SLC35F3: variants seen among roughly 807,000 people sequenced by gnomAD.
SLC35F3 encodes solute carrier family 35 member F3.
In SLC35F3, 25 loss-of-function variants were observed where a neutral mutation model predicts 49.9. The observed-to-expected ratio is 0.50, with a 90% CI of 0.37 to 0.70. The LOEUF (loss-of-function observed/expected upper bound fraction) is 0.70. SLC35F3 is among the 30% of genes least tolerant of loss of function. The pLI, the probability that SLC35F3 is intolerant of heterozygous loss-of-function variation, is 0.00. For missense variants in SLC35F3, 525 were observed against 639.8 expected (o/e 0.82, Z 1.94); for synonymous variants, 275 against 265.4 (o/e 1.04, Z -0.35).
At chr1:234,044,846 T>A (rs1448826938) in intron 2 of SLC35F3, among the ~76,000 whole-genome samples, 3 of 152,162 alleles carry the variant, frequency 2.0e-5, no homozygotes, top group African/African-American at 7.2e-5. Context: ...GTAGTTATCA[T>A]ATGTTTTTCT....
intron 3 of SLC35F3, among the ~76,000 whole-genome samples, chr1:234,234,371 C>T (rs1028831173): frequency 2.0e-5 from 3 of 152,102 alleles, no homozygotes; most frequent in African/African-American, 7.2e-5. Flanking sequence ...AGGGTGAAGC[C>T]GGAGCCGAGA....
chr1:234,297,452 G>A (rs1668621293), intron 3 of SLC35F3, among the ~76,000 whole-genome samples: 1 of 152,192 alleles, frequency 6.6e-6, no homozygotes, highest in Admixed American at 6.5e-5. Flanking sequence ...ATACTATTCA[G>A]CCTTACAAAA....
chr1:234,138,225 A>C (rs752789380), intron 2 of SLC35F3, among the ~76,000 whole-genome samples: 1 of 152,234 alleles, frequency 6.6e-6, no homozygotes, highest in African/African-American at 2.4e-5. Flanking sequence ...TCAATTTTGT[A>C]TGGCTGTATC....
chr1:234,175,547 C>T (rs181685076), intron 2 of SLC35F3, among the ~76,000 whole-genome samples: 2 of 151,558 alleles, frequency 1.3e-5, no homozygotes, highest in Admixed American at 1.3e-4. Flanking sequence ...CCTTTAGTCC[C>T]AGCTATGTGG....
chr1:234,127,645 C>T (rs531652575), intron 2 of SLC35F3, among the ~76,000 whole-genome samples: 1 of 152,090 alleles, frequency 6.6e-6, no homozygotes, highest in African/African-American at 2.4e-5. Flanking sequence ...GATTTAAAAG[C>T]CTCCTTTGGG....
chr1:233,990,507 G>A (rs1327996568), intron 2 of SLC35F3, among the ~76,000 whole-genome samples: 1 of 152,208 alleles, frequency 6.6e-6, no homozygotes, highest in Non-Finnish European at 1.5e-5. Flanking sequence ...CTCACTTTGA[G>A]TTGTAAAATC....
intron 3 of SLC35F3, among the ~76,000 whole-genome samples, chr1:234,245,615 TC>T (rs1028180865): frequency 1.4e-5 from 2 of 142,346 alleles, no homozygotes; most frequent in African/African-American, 4.9e-5. Context: ...GGATGGCTTT[TC>T]CCCTGCTCCA....
At chr1:234,013,836 T>C (rs1663762373) in intron 2 of SLC35F3, among the ~76,000 whole-genome samples, 1 of 146,050 alleles carries the variant, frequency 6.8e-6, no homozygotes, top group Non-Finnish European at 1.5e-5. Context: ...GAGTTAGTAA[T>C]AAAAACTTTC....
At chr1:234,322,661 G>GTA (rs139743140) in intron 7 of SLC35F3, among the ~76,000 whole-genome samples, 13,982 of 143,508 alleles carry the variant, frequency 0.097, 728 homozygotes, top group African/African-American at 0.15. Flanking sequence ...GTGTGTGTGT[G>GTA]TGTGTGTGTG....
chr1:234,080,165 C>A (rs555954677), intron 2 of SLC35F3, among the ~76,000 whole-genome samples: 1 of 152,248 alleles, frequency 6.6e-6, no homozygotes, highest in African/African-American at 2.4e-5. Flanking sequence ...GATTTAATCA[C>A]CCCTGCCTAT....
At chr1:234,153,389 G>C (rs1455596467) in intron 2 of SLC35F3, among the ~76,000 whole-genome samples, 1 of 152,098 alleles carries the variant, frequency 6.6e-6, no homozygotes, top group South Asian at 2.1e-4. Flanking sequence ...TGGGAGGACT[G>C]TTTGAGGCCA....
intron 3 of SLC35F3, among the ~76,000 whole-genome samples, chr1:234,263,456 T>C (rs961584229): frequency 6.6e-6 from 1 of 152,246 alleles, no homozygotes; most frequent in Admixed American, 6.5e-5. Flanking sequence ...CTTGCGTCTA[T>C]ATTTATGGGC....
At chr1:234,273,080 T>C (rs1173533689) in intron 3 of SLC35F3, among the ~76,000 whole-genome samples, 1 of 152,260 alleles carries the variant, frequency 6.6e-6, no homozygotes, top group African/African-American at 2.4e-5. Flanking sequence ...GAATCATGTG[T>C]GCATTATGTC....
chr1:234,062,931 C>T (rs1478188882), intron 2 of SLC35F3, among the ~76,000 whole-genome samples: 6 of 151,430 alleles, frequency 4.0e-5, no homozygotes, highest in African/African-American at 7.3e-5. Context: ...CCTTGTGATC[C>T]GCCCGCCTCG....
chr1:234,068,925 T>TA (rs1664665047), intron 2 of SLC35F3, among the ~76,000 whole-genome samples: 7 of 126,396 alleles, frequency 5.5e-5, no homozygotes, highest in Admixed American at 4.6e-4. Flanking sequence ...ATGTAATATA[T>TA]TATATATAAA....
chr1:234,280,998 G>C (rs751749195), intron 3 of SLC35F3, among the ~76,000 whole-genome samples: 4 of 152,172 alleles, frequency 2.6e-5, no homozygotes, highest in Non-Finnish European at 5.9e-5. Flanking sequence ...CATGCTGCAT[G>C]CCTTCCTAAA....
intron 2 of SLC35F3, among the ~76,000 whole-genome samples, chr1:234,220,058 G>A (rs996808289): frequency 1.3e-5 from 2 of 152,184 alleles, no homozygotes; most frequent in Non-Finnish European, 1.5e-5. Context: ...CATCCTGAAC[G>A]CTGGACTCGG....
In SLC35F3 at chr1:234,041,855, G is replaced by A. The variant is rs1012476093; in HGVS notation, c.283+136097G>A. On this transcript the variant is annotated intron_variant, in intron 2 of 7. Transcript: ENST00000366618. ...ATATTGACCAGATCCTTAGATGGGT[G>A]GATGATGGGTGGGCAGTTCAAATCA... 3.3e-5 allele frequency among the ~76,000 whole-genome samples: 5 copies of A among 152,180 alleles called. No homozygotes were observed. In the East Asian group the frequency reaches 9.6e-4, roughly 29 times the overall value.
At chr1:234,111,418 A>G (rs1403041292) in intron 2 of SLC35F3, among the ~76,000 whole-genome samples, 1 of 152,100 alleles carries the variant, frequency 6.6e-6, no homozygotes, top group East Asian at 1.9e-4. Flanking sequence ...CAGCCTCCTG[A>G]GTAGCTGGGA....
Sources: allele counts gnomAD v4.1 joint callset (sites outside exome capture counted in the v4.1 genomes callset), GRCh38; gene constraint gnomAD v4.1.1; transcripts MANE v1.5; gene names NCBI Gene and HGNC (gene_info 2026-07-23, HGNC 2026-07-21).